Variants in AFF3 observed in about 807,000 individuals in gnomAD.
AFF3 encodes ALF transcription elongation factor 3.
A neutral mutation model predicts 129.7 loss-of-function variants in AFF3; 32 were observed. The ratio of observed to expected loss-of-function variants is 0.25; its 90% confidence interval spans 0.19 to 0.33. AFF3 has a LOEUF of 0.33. Ranked by LOEUF, AFF3 falls within the 10% of genes least tolerant of loss-of-function variation. The probability of loss-of-function intolerance (pLI) is 1.00; values close to 1 mark genes in which losing one functional copy is unlikely to be tolerated. For synonymous variants in AFF3, 644 were observed against 635.4 expected (o/e 1.01, Z -0.20); for missense variants, 1,373 against 1,592.0 (o/e 0.86, Z 2.34).
intron 4 of AFF3, among the ~76,000 whole-genome samples, chr2:100,019,359 C>T (rs1172237961): frequency 6.6e-6 from 1 of 152,230 alleles, no homozygotes; most frequent in African/African-American, 2.4e-5. Flanking sequence ...AGGTAGAGAA[C>T]AAGCCCTAGG....
chr2:100,024,183 G>A (rs1391312865), intron 4 of AFF3, among the ~76,000 whole-genome samples: 2 of 131,754 alleles, frequency 1.5e-5, no homozygotes, highest in African/African-American at 5.8e-5. Context: ...AGTGAGCCGA[G>A]ATCGCGCCAC....
chr2:100,084,718 C>T (rs949737438), intron 4 of AFF3, among the ~76,000 whole-genome samples: 21 of 152,096 alleles, frequency 1.4e-4, no homozygotes, highest in African/African-American at 5.1e-4. Flanking sequence ...ATGAACACAA[C>T]CATAAAATAT....
chr2:99,901,483 A>G (rs1228684683), intron 7 of AFF3, among the ~76,000 whole-genome samples: 1 of 152,132 alleles, frequency 6.6e-6, no homozygotes, highest in Non-Finnish European at 1.5e-5. Context: ...CACTTATAAG[A>G]AACTCATTAT....
At chr2:99,599,591 C>A (rs1262354952) in intron 14 of AFF3, among the ~76,000 whole-genome samples, 2 of 152,164 alleles carry the variant, frequency 1.3e-5, no homozygotes, top group Admixed American at 6.5e-5. Flanking sequence ...CCAGCCAACA[C>A]AGGAGCTCTA....
intron 13 of AFF3, among the ~76,000 whole-genome samples, chr2:99,603,981 G>A (rs1680088433): frequency 6.6e-6 from 1 of 152,218 alleles, no homozygotes; most frequent in South Asian, 2.1e-4. Flanking sequence ...AATAATAGGT[G>A]TTGGCGAGGT....
intron 7 of AFF3, among the ~76,000 whole-genome samples, chr2:99,899,445 A>G (rs1304528719): frequency 6.6e-6 from 1 of 152,212 alleles, no homozygotes; most frequent in East Asian, 1.9e-4. Context: ...TCAGAAGAGT[A>G]TTGATTTGGC....
At chr2:99,797,999 T>C (rs1183288854) in intron 8 of AFF3, among the ~76,000 whole-genome samples, 3 of 152,100 alleles carry the variant, frequency 2.0e-5, no homozygotes, top group Non-Finnish European at 4.4e-5. Flanking sequence ...GGTAAGTCTA[T>C]TAAACATATT....
intron 13 of AFF3, among the ~76,000 whole-genome samples, chr2:99,621,452 G>A (rs1321856534): frequency 1.3e-5 from 2 of 152,124 alleles, no homozygotes; most frequent in East Asian, 1.9e-4. Flanking sequence ...ATCTGCCTGC[G>A]ACCTCGTCCA....
chr2:100,043,668 G>A (rs1465121653), intron 4 of AFF3, among the ~76,000 whole-genome samples: 2 of 152,188 alleles, frequency 1.3e-5, no homozygotes, highest in East Asian at 3.9e-4. Flanking sequence ...ATAACAAAGA[G>A]CAATTGTTTT....
intron 8 of AFF3, among the ~76,000 whole-genome samples, chr2:99,757,775 T>C (rs187961097): frequency 6.6e-6 from 1 of 152,316 alleles, no homozygotes; most frequent in East Asian, 1.9e-4. Context: ...CAACCTCCTA[T>C]TGTTTGCTGG....
At chr2:99,868,987 C>A (rs1333875664) in intron 7 of AFF3, among the ~76,000 whole-genome samples, 1 of 151,920 alleles carries the variant, frequency 6.6e-6, no homozygotes, top group African/African-American at 2.4e-5. Context: ...GAGATGGTCT[C>A]GCTTTGTTGC....
intron 7 of AFF3, among the ~76,000 whole-genome samples, chr2:99,979,962 C>T (rs1679247831): frequency 1.3e-5 from 2 of 152,108 alleles, no homozygotes; most frequent in African/African-American, 4.8e-5. Context: ...ATCTTACTGC[C>T]TGTATTTCTC....
intron 4 of AFF3, among the ~76,000 whole-genome samples, chr2:100,074,422 T>C (rs1319242679): frequency 2.0e-5 from 3 of 152,300 alleles, no homozygotes; most frequent in Admixed American, 1.3e-4. Context: ...AAGAGCAGTC[T>C]CTAGGACAGC....
chr2:99,580,106 C>T (rs1677385179), intron 17 of AFF3, among the ~76,000 whole-genome samples: 1 of 152,106 alleles, frequency 6.6e-6, no homozygotes, highest in African/African-American at 2.4e-5. Flanking sequence ...CCATTCTTTG[C>T]CTGTGGCCTC....
chr2:99,710,908 G>A (rs1479324224), intron 11 of AFF3, among the ~76,000 whole-genome samples: 3 of 152,144 alleles, frequency 2.0e-5, no homozygotes, highest in African/African-American at 4.8e-5. Flanking sequence ...CAGGTGGGAC[G>A]AGGCTGGGAA....
At chr2:99,611,283 CTG>C (rs1324253089) in intron 13 of AFF3, among the ~76,000 whole-genome samples, 1 of 152,108 alleles carries the variant, frequency 6.6e-6, no homozygotes, top group Non-Finnish European at 1.5e-5. Flanking sequence ...ATTACAACAT[CTG>C]TGTTGGTCTC....
chr2:99,559,861 A>G (rs776002296), intron 21 of AFF3, among the ~76,000 whole-genome samples: 5 of 152,256 alleles, frequency 3.3e-5, no homozygotes, highest in African/African-American at 7.2e-5. Context: ...CATGTATTCT[A>G]TCAACATTCT....
chr2:99,909,561 A>G (rs771315557), intron 7 of AFF3, among the ~76,000 whole-genome samples: 2 of 151,966 alleles, frequency 1.3e-5, no homozygotes, highest in African/African-American at 4.8e-5. Context: ...CATATGTAAC[A>G]AACCCACACG....
intron 2 of AFF3, among the ~76,000 whole-genome samples, chr2:100,123,773 C>T (rs1463901600): frequency 6.6e-6 from 1 of 152,080 alleles, no homozygotes; most frequent in Non-Finnish European, 1.5e-5. Flanking sequence ...AAAACATAGA[C>T]CTGCTAACAG....
Sources: allele counts gnomAD v4.1 joint callset (sites outside exome capture counted in the v4.1 genomes callset), GRCh38; gene constraint gnomAD v4.1.1; transcripts MANE v1.5; gene names NCBI Gene and HGNC (gene_info 2026-07-23, HGNC 2026-07-21).